DENND1B: variants seen among roughly 807,000 people sequenced by gnomAD.
DENND1B encodes the protein DENN domain containing 1B, also known as DENN domain-containing protein 1B.
DENND1B carries 59 observed loss-of-function variants against 90.1 expected under a neutral mutation model. The observed-to-expected ratio is 0.65, with a 90% CI of 0.53 to 0.81. The LOEUF (loss-of-function observed/expected upper bound fraction) is 0.81. Ranked by LOEUF, DENND1B falls within the 40% of genes least tolerant of loss-of-function variation. DENND1B has a pLI of 0.00. For missense variants in DENND1B, 862 were observed against 912.6 expected (o/e 0.94, Z 0.71); for synonymous variants, 337 against 324.6 (o/e 1.04, Z -0.41).
intron 14 of DENND1B, 27 bp downstream of exon 14, chr1:197,595,180 TA>T: frequency 1.9e-6 from 3 of 1,588,826 alleles, no homozygotes; most frequent in Non-Finnish European, 2.6e-6. Context: ...AAAAGCAAAT[TA>T]AAACAGTGAT....
At chr1:197,513,026 C>A in intron 20 of DENND1B, 73 bp from the exon 21 acceptor site, 1 of 1,305,762 alleles carries the variant, frequency 7.7e-7, no homozygotes, top group Non-Finnish European at 1.1e-6. Flanking sequence ...TTTAAAGCAA[C>A]AATGTGATTT....
At chr1:197,684,006 C>T (rs1656969933) in intron 3 of DENND1B, among the ~76,000 whole-genome samples, 1 of 152,166 alleles carries the variant, frequency 6.6e-6, no homozygotes, top group Admixed American at 6.5e-5. Flanking sequence ...CAGTGCCTGG[C>T]ACATTACTCA....
chr1:197,551,970 A>G (rs1671275794), intron 16 of DENND1B, among the ~76,000 whole-genome samples: 1 of 152,142 alleles, frequency 6.6e-6, no homozygotes, highest in Admixed American at 6.6e-5. Flanking sequence ...CTTACATCAG[A>G]TAAAGGTCCG....
chr1:197,550,996 A>G (rs1671189630), intron 16 of DENND1B, among the ~76,000 whole-genome samples: 1 of 151,768 alleles, frequency 6.6e-6, no homozygotes, highest in South Asian at 2.1e-4. Context: ...GGTTAATTTC[A>G]TGACATCGAT....
intron 15 of DENND1B, among the ~76,000 whole-genome samples, chr1:197,581,378 C>A (rs1354167870): frequency 2.6e-5 from 4 of 152,282 alleles, no homozygotes; most frequent in African/African-American, 9.6e-5. Flanking sequence ...TCATATTTTA[C>A]ATTTAACGTC....
At chr1:197,736,395 T>G (rs1304585022) in intron 2 of DENND1B, among the ~76,000 whole-genome samples, 2 of 152,148 alleles carry the variant, frequency 1.3e-5, no homozygotes, top group African/African-American at 2.4e-5. Flanking sequence ...CTTGCTCAGG[T>G]TGGAGTACAG....
At chr1:197,591,261 T>C (rs532856219) in intron 14 of DENND1B, among the ~76,000 whole-genome samples, 3 of 152,306 alleles carry the variant, frequency 2.0e-5, no homozygotes, top group Non-Finnish European at 2.9e-5. Context: ...TATAAGCTCC[T>C]GTGGGGATGG....
intron 10 of DENND1B, 36 bp from the exon 11 acceptor site, chr1:197,617,795 T>C: frequency 6.8e-7 from 1 of 1,474,058 alleles, no homozygotes; most frequent in Non-Finnish European, 9.5e-7. Flanking sequence ...AATAAGTAGC[T>C]GCTGACCTTC....
chr1:197,571,998 C>T lies in DENND1B; in HGVS notation c.1149+11154G>A, dbSNP rs531298830. ...TCTGGTCTGCAGCTCCCAGTGTGAT[C>T]GATGCAGAAGACAGGTGATTTCTGC... is the stretch of plus-strand genomic sequence containing the variant. On this transcript the variant is annotated intron_variant, in intron 15 of 22. Coordinates refer to ENST00000620048, the MANE Select transcript of DENND1B (RefSeq NM_001195215.2). Among the ~76,000 whole-genome samples, 21 of 152,168 alleles carry T rather than the reference C, an allele frequency of 1.4e-4. 1 individual carries two copies. In the East Asian group the frequency reaches 2.3e-3, roughly 17 times the overall value.
intron 10 of DENND1B, among the ~76,000 whole-genome samples, chr1:197,637,242 GA>G (rs879545108): frequency 6.7e-6 from 1 of 149,322 alleles, no homozygotes; most frequent in South Asian, 2.1e-4. Context: ...TAAGAAAAAA[GA>G]AAAAAAAATG....
chr1:197,566,665 A>G (rs1166378432), intron 15 of DENND1B, among the ~76,000 whole-genome samples: 6 of 152,098 alleles, frequency 3.9e-5, no homozygotes, highest in Non-Finnish European at 2.9e-5. Context: ...ATTATGTATT[A>G]GCTATTAGGA....
chr1:197,590,195 G>A (rs768327670), intron 14 of DENND1B, among the ~76,000 whole-genome samples: 4 of 151,950 alleles, frequency 2.6e-5, no homozygotes, highest in Non-Finnish European at 5.9e-5. Context: ...TAATAATGAC[G>A]ACGTAAACAG....
intron 5 of DENND1B, among the ~76,000 whole-genome samples, chr1:197,670,102 G>A (rs1358186378): frequency 3.0e-5 from 2 of 67,782 alleles, no homozygotes; most frequent in Admixed American, 1.6e-4. Flanking sequence ...TCTTTCAGTC[G>A]ATTAACAAAT....
rs1447146260 is a variant in DENND1B at position 197,507,099 on chromosome 1, T to G, written c.*3361A>C. The G allele has an allele frequency of 6.6e-6, 1 of 150,654 alleles. No individual in the cohort carries two copies. Among genetic ancestry groups the G allele is most frequent in the East Asian group, 1.9e-4 (1 of 5,142 alleles). The allele number at this position is 150,654 out of a possible 1,614,324, so 9.3% of individuals were successfully genotyped here. A position where few individuals can be genotyped will look rare whatever the true frequency, so the allele number is the denominator to read the frequency against. Reference sequence around the variant, plus strand: ...AGCAGCCAGTTTTTGTTCTTTTTTTTTGAACTTTTTGTGTGTTAGAATCTC... The same window carrying G: ...AGCAGCCAGTTTTTGTTCTTTTTTTGTGAACTTTTTGTGTGTTAGAATCTC... On this transcript the variant is annotated 3_prime_UTR_variant, in exon 23 of 23. Transcript: ENST00000620048.
intron 1 of DENND1B, chr1:197,774,628 G>A (rs1301244034): frequency 6.6e-6 from 1 of 152,568 alleles, no homozygotes; most frequent in Non-Finnish European, 1.5e-5. Flanking sequence ...AATTTTATAA[G>A]CAGAATCATA....
intron 3 of DENND1B, among the ~76,000 whole-genome samples, chr1:197,696,599 G>A (rs142824414): frequency 4.6e-5 from 7 of 151,552 alleles, no homozygotes; most frequent in Non-Finnish European, 8.9e-5. Context: ...GAATTCCTAC[G>A]ATATGTGTCA....
chr1:197,658,312 C>T lies in DENND1B; in HGVS notation c.354G>A (p.Leu118=). ...AAAAATAGCTTACCAGTTCCTTAGC[C>T]AAGTAATCTGCAAGAGTATTTAGAA... The part of the protein sequence containing the change: ...YKLLNTLADY[L]AKELENDLNE... The change falls in exon 6 of 23, where the codon TTG becomes TTA. Residue 118 remains leucine (L), a synonymous_variant. Transcript: ENST00000620048. The T allele has an allele frequency of 6.2e-7, 1 of 1,609,684 alleles. No individual in the cohort carries two copies. The highest frequency in any genetic ancestry group is 1.1e-5 in the South Asian group (1 of 90,026).
chr1:197,547,948 C>T (rs1670938242), intron 16 of DENND1B, among the ~76,000 whole-genome samples: 1 of 152,096 alleles, frequency 6.6e-6, no homozygotes, highest in African/African-American at 2.4e-5. Flanking sequence ...GAGTGGAAAT[C>T]ACATATTTAA....
intron 20 of DENND1B, among the ~76,000 whole-genome samples, chr1:197,527,482 G>A (rs1347328270): frequency 1.3e-5 from 2 of 151,826 alleles, no homozygotes; most frequent in Non-Finnish European, 1.5e-5. Flanking sequence ...GAGTTTCTCC[G>A]TGTTGGCCAG....
Sources: gnomAD v4.1 joint callset for allele counts (sites outside exome capture counted in the v4.1 genomes callset) on GRCh38, gnomAD v4.1.1 for gene constraint, MANE v1.5 for transcripts, NCBI Gene and HGNC (gene_info 2026-07-23, HGNC 2026-07-21) for gene names.